The following PLD5 variants were observed in gnomAD, a reference collection of about 807,000 sequenced individuals.
PLD5 encodes inactive phospholipase D5.
In PLD5, 36 loss-of-function variants were observed where a neutral mutation model predicts 61.1. The ratio of observed to expected loss-of-function variants is 0.59; its 90% CI spans 0.45 to 0.78. The LOEUF is 0.78. Among genes scored for constraint, PLD5 ranks in the 30% least tolerant of loss-of-function variants. The pLI is 0.00. For synonymous variants in PLD5, 243 were observed against 242.8 expected, an observed-to-expected ratio of 1.00 and a Z score of -0.01; for missense variants, 515 against 644.4, an observed-to-expected ratio of 0.80 and a Z score of 2.17.
At chr1:242,445,312 C>A in intron 1 of PLD5, among the ~76,000 whole-genome samples, 1 of 152,112 alleles carries the variant, frequency 6.6e-6, no homozygotes, top group Non-Finnish European at 1.5e-5. Context: ...CTTGGATTTC[C>A]CAGTCTCTAT....
upstream of PLD5, among the ~76,000 whole-genome samples, chr1:242,525,933 G>A (rs576364930): frequency 5.3e-5 from 8 of 152,324 alleles, no homozygotes; most frequent in East Asian, 1.5e-3. Context: ...TTTTGGTTGT[G>A]CTAGGTTGGT....
intron 4 of PLD5, among the ~76,000 whole-genome samples, chr1:242,233,660 G>A (rs1225744103): frequency 6.6e-6 from 1 of 152,118 alleles, no homozygotes; most frequent in African/African-American, 2.4e-5. Context: ...GTCCTTCAGA[G>A]GTTTGGCTTT....
intron 1 of PLD5, among the ~76,000 whole-genome samples, chr1:242,409,720 AC>A (rs886403735): frequency 2.6e-5 from 4 of 152,166 alleles, no homozygotes; most frequent in Admixed American, 1.3e-4. Flanking sequence ...GATTGGTTTG[AC>A]CAGGCATGTC....
chr1:242,148,894 T>C (rs1664726190), intron 5 of PLD5, among the ~76,000 whole-genome samples: 1 of 151,946 alleles, frequency 6.6e-6, no homozygotes, highest in Admixed American at 6.6e-5. Context: ...GTTCTAAACA[T>C]ACTTAGTTTT....
chr1:242,164,949 T>G (rs1666193248), intron 5 of PLD5, among the ~76,000 whole-genome samples: 1 of 152,198 alleles, frequency 6.6e-6, no homozygotes, highest in South Asian at 2.1e-4. Context: ...ACAGACCACA[T>G]GACTGTTTTC....
At chr1:242,178,064 T>A (rs1667285865) in intron 5 of PLD5, among the ~76,000 whole-genome samples, 1 of 152,222 alleles carries the variant, frequency 6.6e-6, no homozygotes, top group Admixed American at 6.5e-5. Context: ...TGATAACAAA[T>A]GTACACATTC....
intron 2 of PLD5, among the ~76,000 whole-genome samples, chr1:242,337,974 CAA>C (rs1467575950): frequency 2.6e-5 from 4 of 152,098 alleles, no homozygotes; most frequent in Non-Finnish European, 5.9e-5. Context: ...ACTCACAGTT[CAA>C]AGTTTCCCCT....
chr1:242,146,453 C>T (rs1664546506), intron 5 of PLD5, among the ~76,000 whole-genome samples: 1 of 152,104 alleles, frequency 6.6e-6, no homozygotes, highest in Admixed American at 6.5e-5. Context: ...ATAGTGAATA[C>T]ATCAAAGTCT....
intron 1 of PLD5, among the ~76,000 whole-genome samples, chr1:242,480,222 T>C (rs905478703): frequency 1.3e-5 from 2 of 152,184 alleles, no homozygotes; most frequent in Non-Finnish European, 2.9e-5. Flanking sequence ...TATGGCCAAT[T>C]GACTTTTTAT....
At chr1:242,090,664 G>C (rs1225722128) in intron 9 of PLD5, among the ~76,000 whole-genome samples, 1 of 152,230 alleles carries the variant, frequency 6.6e-6, no homozygotes, top group Non-Finnish European at 1.5e-5. Context: ...CAGGTGCTAT[G>C]AGAACAGCCT....
At chr1:242,394,478 GTATATA>G in intron 1 of PLD5, among the ~76,000 whole-genome samples, 1 of 93,074 alleles carries the variant, frequency 1.1e-5, no homozygotes. Flanking sequence ...ATATATATGT[GTATATA>G]TGTGAACATA....
intron 4 of PLD5, 151 bp from the exon 5 acceptor site, chr1:242,220,266 G>T (rs751513380): frequency 2.1e-6 from 2 of 946,510 alleles, no homozygotes; most frequent in Admixed American, 2.7e-5. Flanking sequence ...TGGAGAGAAG[G>T]TCCCCAAGGT....
intron 1 of PLD5, among the ~76,000 whole-genome samples, chr1:242,397,155 AATTTTGAC>A (rs2149274352): frequency 1.3e-5 from 2 of 152,016 alleles, no homozygotes; most frequent in East Asian, 3.9e-4. Context: ...AAACCCTGAC[AATTTTGAC>A]ATTTTTATCT....
At chr1:242,166,472 G>C (rs939258246) in intron 5 of PLD5, among the ~76,000 whole-genome samples, 1 of 151,902 alleles carries the variant, frequency 6.6e-6, no homozygotes, top group Admixed American at 6.5e-5. Context: ...ATGCACATGT[G>C]TGCATGTACA....
intron 2 of PLD5, among the ~76,000 whole-genome samples, chr1:242,336,732 A>G (rs1659534018): frequency 6.6e-6 from 1 of 152,016 alleles, no homozygotes; most frequent in South Asian, 2.1e-4. Context: ...ATCTGTATAT[A>G]TTAGTTTTTC....
chr1:242,197,999 C>A (rs1370295308), intron 5 of PLD5, among the ~76,000 whole-genome samples: 1 of 152,126 alleles, frequency 6.6e-6, no homozygotes, highest in Non-Finnish European at 1.5e-5. Context: ...AAGGAAAACA[C>A]CCTCGGCCTC....
chr1:242,110,415 C>T (rs1661391933), intron 7 of PLD5, among the ~76,000 whole-genome samples: 1 of 152,146 alleles, frequency 6.6e-6, no homozygotes, highest in South Asian at 2.1e-4. Flanking sequence ...GTACCATTCA[C>T]ACCTCTGTGT....
intron 1 of PLD5, among the ~76,000 whole-genome samples, chr1:242,516,878 T>C (rs1156562989): frequency 6.6e-6 from 1 of 152,240 alleles, no homozygotes; most frequent in African/African-American, 2.4e-5. Context: ...TAATTGGAAA[T>C]GGATCTACTC....
chr1:242,351,940 T>A (rs1047677893), intron 1 of PLD5, among the ~76,000 whole-genome samples: 1 of 152,210 alleles, frequency 6.6e-6, no homozygotes, highest in African/African-American at 2.4e-5. Context: ...CTAATTTTTT[T>A]AAAAGTTTAT....
Sources: gnomAD v4.1 joint callset for allele counts (sites outside exome capture counted in the v4.1 genomes callset) on GRCh38, gnomAD v4.1.1 for gene constraint, MANE v1.5 for transcripts, NCBI Gene and HGNC (gene_info 2026-07-23, HGNC 2026-07-21) for gene names.